KCNB2: variants seen among roughly 807,000 people sequenced by gnomAD.
KCNB2 encodes potassium voltage-gated channel subfamily B member 2.
Under a neutral mutation model 61.5 loss-of-function variants are expected in KCNB2, and 15 were observed. The ratio of observed to expected loss-of-function variants is 0.24; its 90% confidence interval spans 0.16 to 0.38. The LOEUF (loss-of-function observed/expected upper bound fraction) is 0.38. Ranked by LOEUF, KCNB2 falls within the 10% of genes least tolerant of loss-of-function variation. The pLI, the probability that KCNB2 is intolerant of heterozygous loss-of-function variation, is 1.00. For missense variants in KCNB2, 828 were observed against 1,125.2 expected (o/e 0.74, Z 3.78); for synonymous variants, 457 against 446.0 (o/e 1.02, Z -0.31).
chr8:72,549,943 A>G (rs148541069), intron 1 of KCNB2, among the ~76,000 whole-genome samples: 96 of 152,360 alleles, frequency 6.3e-4, no homozygotes, highest in African/African-American at 2.0e-3. Flanking sequence ...AAATGCATTT[A>G]CCATTCCTCA....
intron 2 of KCNB2, among the ~76,000 whole-genome samples, chr8:72,798,761 A>G (rs949863502): frequency 1.3e-5 from 2 of 152,178 alleles, no homozygotes; most frequent in South Asian, 4.1e-4. Context: ...ACAGTCTACC[A>G]TGTAGTACAG....
At chr8:72,660,534 G>A (rs895637414) in intron 2 of KCNB2, 7 of 152,144 alleles carry the variant, frequency 4.6e-5, no homozygotes, top group African/African-American at 1.7e-4. Context: ...ACATAAGTAT[G>A]CCTTTTGGAA....
chr8:72,715,701 A>G (rs1020182095), intron 2 of KCNB2, among the ~76,000 whole-genome samples: 10 of 152,224 alleles, frequency 6.6e-5, no homozygotes, highest in Non-Finnish European at 2.9e-5. Context: ...TGCCCACAAG[A>G]GAAAGCAGGA....
At position 72,777,807 on chromosome 8, in the gene KCNB2, A is replaced by G. The variant is rs551099213; in HGVS notation, c.580-158128A>G. Among the ~76,000 whole-genome samples the G allele has an allele frequency of 7.9e-5, 12 of 152,298 alleles. 1 individual carries two copies. The South Asian group carries it at 2.5e-3, about 32-fold the overall frequency. On this transcript the variant is annotated intron_variant, in intron 2 of 2. Coordinates refer to ENST00000523207, the MANE Select transcript of KCNB2 (RefSeq NM_004770.3). The stretch of plus-strand genomic sequence containing the variant: ...CATTTTTAAGACAAGAAACATATAT[A>G]TCACTCTTCAAAAAAGTTGGCTGGT...
chr8:72,550,712 A>G (rs1806333591), intron 1 of KCNB2, among the ~76,000 whole-genome samples: 1 of 152,194 alleles, frequency 6.6e-6, no homozygotes, highest in Non-Finnish European at 1.5e-5. Context: ...CTATTTTCTG[A>G]CAGTCAGGAA....
At chr8:72,693,840 C>T (rs1040542074) in intron 2 of KCNB2, among the ~76,000 whole-genome samples, 2 of 152,156 alleles carry the variant, frequency 1.3e-5, no homozygotes, top group Non-Finnish European at 2.9e-5. Context: ...ATCAACCCTG[C>T]TTATCTAAAA....
intron 2 of KCNB2, among the ~76,000 whole-genome samples, chr8:72,714,229 A>G (rs1003333506): frequency 6.6e-6 from 1 of 152,220 alleles, no homozygotes; most frequent in Non-Finnish European, 1.5e-5. Flanking sequence ...AACTTGGAAA[A>G]CACTCTGCAG....
intron 2 of KCNB2, among the ~76,000 whole-genome samples, chr8:72,918,990 C>T (rs1806451614): frequency 6.6e-6 from 1 of 152,146 alleles, no homozygotes; most frequent in Non-Finnish European, 1.5e-5. Flanking sequence ...AATAAAATAC[C>T]ATCTATCTGT....
Position 72,846,726 on chromosome 8 carries a change from T to C in KCNB2, c.580-89209T>C, listed in dbSNP as rs186358185. On this transcript the variant is annotated intron_variant, in intron 2 of 2. Coordinates refer to ENST00000523207, the MANE Select transcript of KCNB2 (RefSeq NM_004770.3). ...CAATGAGATACCATCCCACACCAATTAGAATGGTGATCATTAAAAAGTCAA... is the reference window on the plus strand; with the variant it reads ...CAATGAGATACCATCCCACACCAATCAGAATGGTGATCATTAAAAAGTCAA... Among the ~76,000 whole-genome samples the C allele has an allele frequency of 2.2e-3, 340 of 152,036 alleles. 1 individual carries two copies. Among genetic ancestry groups the C allele is most frequent in the African/African-American group, 7.8e-3 (323 of 41,446 alleles).
chr8:72,744,144 G>A (rs1245006030), intron 2 of KCNB2, among the ~76,000 whole-genome samples: 1 of 152,160 alleles, frequency 6.6e-6, no homozygotes, highest in African/African-American at 2.4e-5. Flanking sequence ...ATCTGGGAGA[G>A]GATAGATCCA....
At chr8:72,811,824 A>T (rs1013878029) in intron 2 of KCNB2, among the ~76,000 whole-genome samples, 2 of 152,228 alleles carry the variant, frequency 1.3e-5, no homozygotes, top group Non-Finnish European at 1.5e-5. Context: ...ATATTCAATA[A>T]GGTATAGGAG....
At chr8:72,780,053 C>G (rs1808728822) in intron 2 of KCNB2, among the ~76,000 whole-genome samples, 1 of 152,170 alleles carries the variant, frequency 6.6e-6, no homozygotes, top group African/African-American at 2.4e-5. Context: ...CACTATAAAT[C>G]AAAGCCTCTA....
intron 2 of KCNB2, among the ~76,000 whole-genome samples, chr8:72,682,129 T>G (rs1196735168): frequency 2.6e-5 from 4 of 152,226 alleles, no homozygotes; most frequent in South Asian, 4.1e-4. Context: ...GATTATACGA[T>G]TTGTATGTAA....
At chr8:72,935,103 T>C (rs1356114993) in intron 2 of KCNB2, among the ~76,000 whole-genome samples, 1 of 152,128 alleles carries the variant, frequency 6.6e-6, no homozygotes. Context: ...GTTAAATAAC[T>C]TGCCCAAGGT....
chr8:72,896,848 CAAAGACATCA>C (rs1805997462), intron 2 of KCNB2, among the ~76,000 whole-genome samples: 1 of 152,078 alleles, frequency 6.6e-6, no homozygotes, highest in African/African-American at 2.4e-5. Context: ...TCAAGCCTAA[CAAAGACATCA>C]AAAGACATCA....
chr8:72,653,890 G>A lies in KCNB2; in HGVS notation c.579+85577G>A, dbSNP rs183185507. Among the ~76,000 whole-genome samples the A allele has an allele frequency of 3.2e-3, 490 of 152,252 alleles. 3 individuals are homozygous for A. The highest frequency in any genetic ancestry group is 6.1e-3 in the Non-Finnish European group (416 of 67,998). On this transcript the variant is annotated intron_variant, in intron 2 of 2. Transcript: ENST00000523207. ...AGCTGAGAAATTTAATTTGGTTTTA[G>A]GATTGACACTGAAGAGAAAGATATC... is the stretch of plus-strand genomic sequence containing the variant.
chr8:72,776,716 A>G (rs1475287512), intron 2 of KCNB2, among the ~76,000 whole-genome samples: 1 of 152,144 alleles, frequency 6.6e-6, no homozygotes, highest in Non-Finnish European at 1.5e-5. Flanking sequence ...CGGTTATGAC[A>G]CACACGTTCG....
chr8:72,557,781 G>A (rs1806451328), intron 1 of KCNB2, among the ~76,000 whole-genome samples: 1 of 152,140 alleles, frequency 6.6e-6, no homozygotes, highest in East Asian at 1.9e-4. Flanking sequence ...AGTGGGCCTG[G>A]TAGTTTTTTG....
chr8:72,882,557 A>AGAGAGAGAGAGAGAGAG (rs1220336466), intron 2 of KCNB2, among the ~76,000 whole-genome samples: 362 of 71,574 alleles, frequency 5.1e-3, no homozygotes, highest in Non-Finnish European at 8.0e-3. Context: ...GAGAGAGAGA[A>AGAGAGAGAGAGAGAGAG]TGTGTGTCTT....
Sources: gnomAD v4.1 joint callset for allele counts (sites outside exome capture counted in the v4.1 genomes callset) on GRCh38, gnomAD v4.1.1 for gene constraint, MANE v1.5 for transcripts, NCBI Gene and HGNC (gene_info 2026-07-23, HGNC 2026-07-21) for gene names.